The following SH3GL3 variants were observed in gnomAD, a reference collection of about 807,000 sequenced individuals.
SH3GL3 encodes endophilin-A3.
Under a neutral mutation model 47.7 loss-of-function variants are expected in SH3GL3, and 33 were observed. The ratio of observed to expected loss-of-function variants is 0.69; its 90% CI spans 0.52 to 0.92. SH3GL3 has a LOEUF of 0.92. Among genes scored for constraint, SH3GL3 ranks in the 40% least tolerant of loss-of-function variants. The pLI, the probability that SH3GL3 is intolerant of heterozygous loss-of-function variation, is 0.00. For synonymous variants in SH3GL3, 155 were observed against 148.8 expected (o/e 1.04, Z -0.30); for missense variants, 363 against 417.8 (o/e 0.87, Z 1.14).
At chr15:83,550,376 G>T (rs2044601129) in intron 1 of SH3GL3, among the ~76,000 whole-genome samples, 1 of 152,056 alleles carries the variant, frequency 6.6e-6, no homozygotes, top group Non-Finnish European at 1.5e-5. Context: ...AATCCACAGT[G>T]CCCATTACCA....
In SH3GL3 at chr15:83,618,132, G is replaced by A. The variant is rs1236392914; in HGVS notation, c.889G>A (p.Glu297Lys). 6.2e-7 allele frequency: 1 copy of A among 1,613,984 alleles called. No homozygotes were observed. The highest frequency in any genetic ancestry group is 1.7e-5 in the Admixed American group (1 of 60,026). ...QPCCRGLYDF[E>K]PENQGELGFK... ...CTGCTGTCGTGGTCTCTATGACTTT[G>A]AGCCAGAAAACCAAGGAGAATTAGG... The change falls in exon 9 of 9, where the codon GAG (glutamate) becomes AAG (lysine). Residue 297 changes from glutamate (E) to lysine (K), a missense_variant. Coordinates refer to ENST00000427482, the MANE Select transcript of SH3GL3 (RefSeq NM_003027.5).
intron 8 of SH3GL3, among the ~76,000 whole-genome samples, chr15:83,592,948 C>T (rs2060146401): frequency 6.7e-6 from 1 of 149,276 alleles, no homozygotes; most frequent in Admixed American, 6.7e-5. Context: ...AAAAAAAAAA[C>T]AGTTCTGGGG....
Position 83,618,385 on chromosome 15 carries a change from C to G in SH3GL3, c.*98C>G. The G allele has an allele frequency of 1.3e-6, 1 of 749,214 alleles. No homozygotes were observed. Among genetic ancestry groups the G allele is most frequent in the South Asian group, 1.6e-5 (1 of 63,900 alleles). 46.4% of individuals were successfully genotyped at this position (749,214 alleles called of 1,614,324 possible). A position where few individuals can be genotyped will look rare whatever the true frequency, so the allele number is the denominator to read the frequency against. On this transcript the variant is annotated 3_prime_UTR_variant, in exon 9 of 9. Transcript: ENST00000427482. ...TTCTGTGACATCCTTTGCTCTCTGA[C>G]CAACTTAATGACTTTTGTATGTGTG...
At position 83,560,419 on chromosome 15, in the gene SH3GL3, C is replaced by G. The variant is rs191869523; in HGVS notation, c.114+1098C>G. On this transcript the variant is annotated intron_variant, in intron 2 of 8. Coordinates refer to ENST00000427482, the MANE Select transcript of SH3GL3 (RefSeq NM_003027.5). ...TTTGAAAGAAAACTTAATTTCTGAA[C>G]CTTAAAACCATGGAAACATGTTCAC... 2.5e-3 allele frequency among the ~76,000 whole-genome samples: 384 copies of G among 152,220 alleles called. 2 individuals carry two copies. Among genetic ancestry groups the G allele is most frequent in the African/African-American group, 8.8e-3 (366 of 41,538 alleles).
chr15:83,523,970 G>C (rs1340500034), intron 1 of SH3GL3, among the ~76,000 whole-genome samples: 1 of 144,198 alleles, frequency 6.9e-6, no homozygotes, highest in African/African-American at 2.5e-5. Flanking sequence ...AAAAAAAACA[G>C]ACAGCAAAAA....
intron 1 of SH3GL3, among the ~76,000 whole-genome samples, chr15:83,502,056 A>G (rs900097792): frequency 6.6e-6 from 1 of 152,276 alleles, no homozygotes; most frequent in Non-Finnish European, 1.5e-5. Flanking sequence ...GCTTCACTCT[A>G]GGAATAATAT....
At chr15:83,575,146 A>C (rs774932545) in intron 5 of SH3GL3, among the ~76,000 whole-genome samples, 4 of 152,202 alleles carry the variant, frequency 2.6e-5, no homozygotes, top group Non-Finnish European at 5.9e-5. Flanking sequence ...GGTTGATTCT[A>C]GAGAAGTGAC....
chr15:83,502,550 A>G (rs968554147), intron 1 of SH3GL3, among the ~76,000 whole-genome samples: 2 of 152,114 alleles, frequency 1.3e-5, no homozygotes, highest in African/African-American at 4.8e-5. Flanking sequence ...GAATAAATGA[A>G]TGGGCCTGGG....
At position 83,473,547 on chromosome 15, in the gene SH3GL3, G is replaced by C. The variant is rs961009426; in HGVS notation, c.45+25969G>C. On this transcript the variant is annotated intron_variant, in intron 1 of 8. Coordinates refer to ENST00000427482, the MANE Select transcript of SH3GL3 (RefSeq NM_003027.5). ...TGGCTAGAGAGAGCAGACATTTGTT[G>C]GGGCTTTTTTTTTTTTCTGAGACAG... is the stretch of plus-strand genomic sequence containing the variant. Among the ~76,000 whole-genome samples, 3 of 150,922 alleles carry C rather than the reference G, an allele frequency of 2.0e-5. No homozygotes were observed. In the East Asian group the frequency reaches 5.8e-4, roughly 29 times the overall value.
chr15:83,466,581 G>C (rs2040579703), intron 1 of SH3GL3, among the ~76,000 whole-genome samples: 1 of 152,120 alleles, frequency 6.6e-6, no homozygotes, highest in Admixed American at 6.5e-5. Context: ...GGTATCAAGG[G>C]GAAAGGCATG....
intron 1 of SH3GL3, among the ~76,000 whole-genome samples, chr15:83,492,941 A>G (rs1186686668): frequency 1.3e-5 from 2 of 152,322 alleles, no homozygotes; most frequent in African/African-American, 4.8e-5. Context: ...TTCTGGGGGA[A>G]ACCAAAGTAG....
intron 4 of SH3GL3, among the ~76,000 whole-genome samples, chr15:83,571,550 T>C (rs560767193): frequency 6.6e-6 from 1 of 152,128 alleles, no homozygotes; most frequent in Admixed American, 6.5e-5. Flanking sequence ...CCTACTTCTG[T>C]TTTGCAAGGT....
chr15:83,623,089 G>T (rs1425689540), downstream of SH3GL3, among the ~76,000 whole-genome samples: 2 of 152,174 alleles, frequency 1.3e-5, no homozygotes, highest in Non-Finnish European at 2.9e-5. Context: ...TATCAGTTCT[G>T]CCTTAAAAAT....
intron 1 of SH3GL3, among the ~76,000 whole-genome samples, chr15:83,550,794 TTTTG>T (rs943446153): frequency 6.6e-6 from 1 of 152,318 alleles, no homozygotes. Flanking sequence ...CTGTTTTTGT[TTTTG>T]TTTGTTTGTT....
chr15:83,580,211 G>T (rs1392049454), intron 6 of SH3GL3, among the ~76,000 whole-genome samples: 2 of 152,188 alleles, frequency 1.3e-5, no homozygotes, highest in African/African-American at 4.8e-5. Context: ...TTCCTGGTGG[G>T]GAAGTCCTGC....
At chr15:83,598,043 A>G (rs1309770004) in intron 8 of SH3GL3, among the ~76,000 whole-genome samples, 1 of 152,106 alleles carries the variant, frequency 6.6e-6, no homozygotes, top group East Asian at 1.9e-4. Context: ...TTTATTTGAG[A>G]GTGCTTATGA....
At chr15:83,609,754 T>A (rs2060615841) in intron 8 of SH3GL3, among the ~76,000 whole-genome samples, 2 of 151,928 alleles carry the variant, frequency 1.3e-5, no homozygotes, top group Non-Finnish European at 2.9e-5. Context: ...GAGAGAAGGA[T>A]GCCCCTTGCG....
At chr15:83,456,906 T>C (rs1157941226) in intron 1 of SH3GL3, among the ~76,000 whole-genome samples, 1 of 152,234 alleles carries the variant, frequency 6.6e-6, no homozygotes, top group African/African-American at 2.4e-5. Context: ...ATAGAGCTGT[T>C]TACTCTTCTG....
At chr15:83,536,503 A>G (rs868820914) in intron 1 of SH3GL3, among the ~76,000 whole-genome samples, 23 of 150,724 alleles carry the variant, frequency 1.5e-4, no homozygotes, top group Middle Eastern at 3.4e-3. Flanking sequence ...TTCGGGTTCA[A>G]GTGATTCTCC....
Sources: gnomAD v4.1 joint callset for allele counts (sites outside exome capture counted in the v4.1 genomes callset) on GRCh38, gnomAD v4.1.1 for gene constraint, MANE v1.5 for transcripts, NCBI Gene and HGNC (gene_info 2026-07-23, HGNC 2026-07-21) for gene names.